Variants in KIAA1549 observed in about 807,000 individuals in gnomAD.
KIAA1549 encodes KIAA1549.
KIAA1549 carries 70 observed loss-of-function variants against 156.4 expected under a neutral mutation model. The ratio of observed to expected loss-of-function variants is 0.45; its 90% CI spans 0.37 to 0.55. The LOEUF (loss-of-function observed/expected upper bound fraction) is 0.55. Among genes scored for constraint, KIAA1549 ranks in the 20% least tolerant of loss-of-function variants. KIAA1549 has a pLI of 0.00. For synonymous variants in KIAA1549, 1,103 were observed against 1,066.4 expected (o/e 1.03, Z -0.67); for missense variants, 2,428 against 2,540.9 (o/e 0.96, Z 0.96).
intron 1 of KIAA1549, among the ~76,000 whole-genome samples, chr7:138,922,802 G>C (rs968001971): frequency 4.6e-5 from 7 of 151,798 alleles, no homozygotes; most frequent in African/African-American, 1.7e-4. Context: ...GAATAAGACA[G>C]TCCAACATAC....
chr7:138,924,169 GTTCTT>G (rs1291182145), intron 1 of KIAA1549, among the ~76,000 whole-genome samples: 10 of 138,678 alleles, frequency 7.2e-5, no homozygotes, highest in Non-Finnish European at 9.4e-5. Context: ...AATAGCAGCT[GTTCTT>G]TTCTTTTCTT....
chr7:138,842,641 C>G (rs997400623), intron 18 of KIAA1549, among the ~76,000 whole-genome samples: 1 of 150,148 alleles, frequency 6.7e-6, no homozygotes, highest in Non-Finnish European at 1.5e-5. Flanking sequence ...TGCAGTGCGC[C>G]GAGACTGTGC....
In KIAA1549 at chr7:138,844,470, C is replaced by T. The variant is rs969706994; in HGVS notation, c.5299G>A (p.Gly1767Ser). 1 of 1,530,258 alleles carries T rather than the reference C, an allele frequency of 6.5e-7. No individual in the cohort carries two copies. Among genetic ancestry groups the T allele is most frequent in the South Asian group, 1.3e-5 (1 of 76,226 alleles). The allele number at this position is 1,530,258 out of a possible 1,614,324, so 94.8% of individuals were successfully genotyped here. A position where few individuals can be genotyped will look rare whatever the true frequency, so the allele number is the denominator to read the frequency against. Residue 1767 changes from glycine to serine, a missense_variant, in exon 18 of 20, where the codon GGT becomes AGT. By Grantham distance (56) the Gly-to-Ser change is moderately conservative. Around this residue, in one of 5 missense-constraint regions of KIAA1549, gnomAD observed 363 missense variants for 354.0 expected, o/e 1.03. Transcript: ENST00000422774. ...TPPTGPLPRP[G>S]FGPGLLQSTE... ...GACTGCAGCAAACCGGGGCCAAAACCTGGTCTGAAGGCAAAGCAAACCAGC... is the reference window on the plus strand; with the variant it reads ...GACTGCAGCAAACCGGGGCCAAAACTTGGTCTGAAGGCAAAGCAAACCAGC...
chr7:138,908,064 G>A (rs2130459920), intron 5 of KIAA1549, among the ~76,000 whole-genome samples: 1 of 152,234 alleles, frequency 6.6e-6, no homozygotes, highest in South Asian at 2.1e-4. Context: ...AGGAGATGGA[G>A]CTGACGTAGA....
At chr7:138,882,347 G>A (rs1281341638) in intron 10 of KIAA1549, among the ~76,000 whole-genome samples, 2 of 152,234 alleles carry the variant, frequency 1.3e-5, no homozygotes, top group Admixed American at 6.5e-5. Context: ...CATTGAGGAC[G>A]TGAATTTCAC....
intron 1 of KIAA1549, among the ~76,000 whole-genome samples, chr7:138,969,195 T>C (rs1814140174): frequency 1.3e-5 from 2 of 152,214 alleles, no homozygotes; most frequent in Admixed American, 6.5e-5. Flanking sequence ...AGTTCCACAG[T>C]GTTGAGTATA....
chr7:138,969,215 T>C lies in KIAA1549; in HGVS notation c.187+11868A>G, dbSNP rs139606737. 1.1e-3 allele frequency among the ~76,000 whole-genome samples: 164 copies of C among 152,358 alleles called. 1 individual carries two copies. Among genetic ancestry groups the C allele is most frequent in the Non-Finnish European group, 1.1e-3 (77 of 68,046 alleles). On this transcript the variant is annotated intron_variant, in intron 1 of 19. Coordinates refer to ENST00000422774, the MANE Select transcript of KIAA1549 (RefSeq NM_001164665.2). ...CACAGTGTTGAGTATATTCACATTG[T>C]CGTGCAACTGATAGTCTGAACTCCT...
At position 138,840,212 on chromosome 7, in the gene KIAA1549, A is replaced by G; in HGVS notation, c.5519T>C (p.Ile1840Thr). Residue 1840 changes from isoleucine (I) to threonine (T), a missense_variant, in exon 19 of 20, where the codon ATC becomes ACC. By Grantham distance (89) the Ile-to-Thr change is moderately conservative. Around this residue, in one of 5 missense-constraint regions of KIAA1549, gnomAD observed 363 missense variants for 354.0 expected, o/e 1.03. Transcript: ENST00000422774. Reference sequence around the variant, plus strand: ...ATACTGGCTGCCTCTGCTTGGCGGGATTTCCACTGGCTGAGCTCCAATTCT... The same window carrying G: ...ATACTGGCTGCCTCTGCTTGGCGGGGTTTCCACTGGCTGAGCTCCAATTCT... ...ASRIGAQPVE[I>T]PPSRGSQYGG... 2 of 1,579,020 alleles carry G rather than the reference A, an allele frequency of 1.3e-6. No individual in the cohort carries two copies. Among genetic ancestry groups the G allele is most frequent in the Non-Finnish European group, 8.6e-7 (1 of 1,162,656 alleles).
chr7:138,919,513 G>A, intron 1 of KIAA1549, 75 bp from the exon 2 acceptor site: 4 of 1,531,718 alleles, frequency 2.6e-6, no homozygotes, highest in South Asian at 1.3e-5. Flanking sequence ...TCAGGCATGA[G>A]AATTTACTCA....
At chr7:138,899,592 G>C (rs1172570349) in intron 8 of KIAA1549, among the ~76,000 whole-genome samples, 1 of 152,130 alleles carries the variant, frequency 6.6e-6, no homozygotes, top group Non-Finnish European at 1.5e-5. Context: ...TGCTAGGGCA[G>C]GGCTTCTCAA....
At chr7:138,975,358 C>T (rs146944935) in intron 1 of KIAA1549, among the ~76,000 whole-genome samples, 2 of 152,126 alleles carry the variant, frequency 1.3e-5, no homozygotes, top group African/African-American at 4.8e-5. Context: ...GAGTGAGCTG[C>T]CTTCAGCAGG....
chr7:138,852,578 A>G (rs1810266531), intron 16 of KIAA1549, among the ~76,000 whole-genome samples: 1 of 152,238 alleles, frequency 6.6e-6, no homozygotes, highest in African/African-American at 2.4e-5. Flanking sequence ...ATCCATCTGT[A>G]TCTTCTGCTG....
At chr7:138,847,925 G>A (rs1054420970) in intron 17 of KIAA1549, among the ~76,000 whole-genome samples, 85 of 72,288 alleles carry the variant, frequency 1.2e-3, no homozygotes, top group Non-Finnish European at 2.2e-3. Flanking sequence ...ATTCTGAGGT[G>A]TTTTATATTC....
In KIAA1549 at chr7:138,832,630, C is replaced by T. The variant is rs946835063; in HGVS notation, c.*5276G>A. 1.4e-5 allele frequency: 3 copies of T among 213,320 alleles called. No homozygotes were observed. Among genetic ancestry groups the T allele is most frequent in the African/African-American group, 6.8e-5 (3 of 44,244 alleles). The allele number at this position is 213,320 out of a possible 1,614,324, so 13.2% of individuals were successfully genotyped here. On this transcript the variant is annotated 3_prime_UTR_variant, in exon 20 of 20. Coordinates refer to ENST00000422774, the MANE Select transcript of KIAA1549 (RefSeq NM_001164665.2). ...CTATACTGCATTAAGACATTCATTG[C>T]TTCTGTCACTTTCTTACTGGCTCCT...
chr7:138,864,979 A>T (rs191553356), intron 15 of KIAA1549, among the ~76,000 whole-genome samples: 226 of 152,348 alleles, frequency 1.5e-3, no homozygotes, highest in Non-Finnish European at 2.6e-3. Flanking sequence ...CTATAATCCC[A>T]GAAATGTGGG....
At position 138,917,318 on chromosome 7, in the gene KIAA1549, C is replaced by A; in HGVS notation, c.2308G>T (p.Val770Leu). 1 of 1,613,832 alleles carries A rather than the reference C, an allele frequency of 6.2e-7. No homozygotes were observed. Among genetic ancestry groups the A allele is most frequent in the Non-Finnish European group, 8.5e-7 (1 of 1,179,816 alleles). Residue 770 changes from valine to leucine, a missense_variant, in exon 2 of 20, where the codon GTG (valine) becomes TTG (leucine). Transcript: ENST00000422774. ...TCAAAAGACTCAGAGCCGGGGGGCA[C>A]CAGTGCAGTGACTGCGGATTCATGG... ...ISHESAVTAL[V>L]PPGSESFDIL...
At chr7:138,952,576 G>A (rs1813533131) in intron 1 of KIAA1549, among the ~76,000 whole-genome samples, 1 of 152,206 alleles carries the variant, frequency 6.6e-6, no homozygotes, top group African/African-American at 2.4e-5. Context: ...GCTGTGAAGG[G>A]CTGACGTGAA....
chr7:138,910,851 A>G (rs890750877), intron 4 of KIAA1549, among the ~76,000 whole-genome samples: 1 of 150,998 alleles, frequency 6.6e-6, no homozygotes, highest in Non-Finnish European at 1.5e-5. Flanking sequence ...GTGAGCCACC[A>G]TACCTGGCCT....
chr7:138,836,211 A>G lies in KIAA1549; in HGVS notation c.*1695T>C, dbSNP rs995964289. 51 of 205,280 alleles carry G rather than the reference A, an allele frequency of 2.5e-4. No homozygotes were observed. In the Admixed American group the frequency reaches 3.0e-3, roughly 12 times the overall value. The allele number at this position is 205,280 out of a possible 1,614,324, so 12.7% of individuals were successfully genotyped here. A position where few individuals can be genotyped will look rare whatever the true frequency, so the allele number is the denominator to read the frequency against. ...GATGTTTTGGTCAATGACGGTCTAC[A>G]TATTGATGGTAGTCCCATAAGATTA... On this transcript the variant is annotated 3_prime_UTR_variant, in exon 20 of 20. Coordinates refer to ENST00000422774, the MANE Select transcript of KIAA1549 (RefSeq NM_001164665.2).
Sources: gnomAD v4.1 joint callset for allele counts (sites outside exome capture counted in the v4.1 genomes callset) on GRCh38, gnomAD v4.1.1 for gene constraint, gnomAD v4.1.1 regional missense constraint, MANE v1.5 for transcripts, NCBI Gene and HGNC (gene_info 2026-07-23, HGNC 2026-07-21) for gene names.